LIPE: variants seen among roughly 807,000 people sequenced by gnomAD.
LIPE encodes the protein hormone-sensitive lipase.
Under a neutral mutation model 88.5 loss-of-function variants are expected in LIPE, and 66 were observed. The ratio of observed to expected loss-of-function variants is 0.75; its 90% CI spans 0.61 to 0.91. LIPE has a LOEUF of 0.91. LIPE is among the 40% of genes least tolerant of loss of function. The probability of loss-of-function intolerance (pLI) is 0.00; values close to 1 mark genes in which losing one functional copy is unlikely to be tolerated. For synonymous variants in LIPE, 570 were observed against 617.5 expected (o/e 0.92, Z 1.14); for missense variants, 1,346 against 1,434.7 (o/e 0.94, Z 1.00).
intron 7 of LIPE, chr19:42,405,869 A>C: frequency 1.9e-6 from 1 of 538,124 alleles, no homozygotes; most frequent in Non-Finnish European, 3.3e-6. Context: ...CTGAGGCAGG[A>C]TGATTGCTTC....
chr19:42,426,723 G>T lies in LIPE; in HGVS notation c.427C>A (p.Pro143Thr). Residue 143 changes from proline (P) to threonine (T), a missense_variant, in exon 1 of 10, where the codon CCA becomes ACA. Pro to Thr is a conservative substitution (Grantham distance 38). Coordinates refer to ENST00000244289, the MANE Select transcript of LIPE (RefSeq NM_005357.4). Reference protein sequence around the residue: ...QRHVAQPGPGPGEPPPAQQEA... With the variant: ...QRHVAQPGPGTGEPPPAQQEA... Reference sequence around the variant, plus strand: ...TGTTGAGCTGGAGGTGGCTCTCCTGGCCCAGGCCCTGGCTGGGCTACATGT... The same window carrying T: ...TGTTGAGCTGGAGGTGGCTCTCCTGTCCCAGGCCCTGGCTGGGCTACATGT... The T allele has an allele frequency of 1.2e-6, 2 of 1,614,206 alleles. No individual in the cohort carries two copies. Among genetic ancestry groups the T allele is most frequent in the East Asian group, 2.2e-5 (1 of 44,886 alleles).
At position 42,420,246 on chromosome 19, in the gene LIPE, CTCTG is replaced by C. The variant is rs887639414; in HGVS notation, c.883+6017_883+6020del. On this transcript the variant is annotated intron_variant, in intron 1 of 9. Transcript: ENST00000244289. ...CTGCTGTGTTTCTGTGTGCTGCTCC[CTCTG>C]TCTGTGCTTCAAAGTATATGCTTTC... is the stretch of plus-strand genomic sequence containing the variant. Among the ~76,000 whole-genome samples, 4 of 152,180 alleles carry C rather than the reference CTCTG, an allele frequency of 2.6e-5. No individual in the cohort carries two copies. In the East Asian group the frequency reaches 7.7e-4, roughly 29 times the overall value.
In LIPE at chr19:42,410,031, C is replaced by G. The variant is rs1336165111; in HGVS notation, c.1419+276G>C. Among the ~76,000 whole-genome samples the G allele has an allele frequency of 6.6e-6, 1 of 152,182 alleles. No homozygotes were observed. The highest frequency in any genetic ancestry group is 2.4e-5 in the African/African-American group (1 of 41,422). On this transcript the variant is annotated intron_variant, in intron 2 of 9. Coordinates refer to ENST00000244289, the MANE Select transcript of LIPE (RefSeq NM_005357.4). The surrounding 1 kb of genome is among the most constrained non-coding windows in gnomAD (Gnocchi z 6.1). ...CAGGTAACAAAGAGTGAATACATCT[C>G]TTGCATGTAGGACAATAGAGAGTAG...
chr19:42,408,214 A>C lies in LIPE; in HGVS notation c.1510+18T>G. ...GGCCAAGAGAGTAGGCTGCGAGTAG[A>C]ACCTGGCTGGGACTCACTGAGGCCT... is the stretch of plus-strand genomic sequence containing the variant. On this transcript the variant is annotated intron_variant, in intron 3 of 9. Coordinates refer to ENST00000244289, the MANE Select transcript of LIPE (RefSeq NM_005357.4). The surrounding 1 kb of genome is among the most constrained non-coding windows in gnomAD (Gnocchi z 4.3). The C allele has an allele frequency of 6.2e-7, 1 of 1,613,836 alleles. No homozygotes were observed. The highest frequency in any genetic ancestry group is 8.5e-7 in the Non-Finnish European group (1 of 1,179,820).
In LIPE at chr19:42,402,138, G is replaced by A. The variant is rs1445086291; in HGVS notation, c.2968-63C>T. 13 of 1,389,630 alleles carry A rather than the reference G, an allele frequency of 9.4e-6. No individual in the cohort carries two copies. The East Asian group carries it at 3.5e-4, about 37-fold the overall frequency. 86.1% of individuals were successfully genotyped at this position (1,389,630 alleles called of 1,614,324 possible). ...GGGACAGACAGACCGGGGTCGGGTA[G>A]AGCGAGGAGGGGTTTGATGAACAAA... is the stretch of plus-strand genomic sequence containing the variant. On this transcript the variant is annotated intron_variant, in intron 9 of 9. Coordinates refer to ENST00000244289, the MANE Select transcript of LIPE (RefSeq NM_005357.4).
rs1313212242 is a variant in LIPE at position 42,407,931 on chromosome 19, A to G, written c.1656+45T>C. ...CCACAGAGACCTACTGTGGCCTCAG[A>G]TGAGTCTCTGGGCCTCAGTGTCCCC... On this transcript the variant is annotated intron_variant, in intron 4 of 9. Transcript: ENST00000244289. The surrounding 1 kb of genome is among the most constrained non-coding windows in gnomAD (Gnocchi z 5.8). The G allele has an allele frequency of 6.3e-7, 1 of 1,596,068 alleles. No homozygotes were observed. Among genetic ancestry groups the G allele is most frequent in the Non-Finnish European group, 8.5e-7 (1 of 1,173,008 alleles).
intron 1 of LIPE, chr19:42,424,862 C>T: frequency 2.8e-6 from 1 of 354,074 alleles, no homozygotes; most frequent in Non-Finnish European, 5.6e-6. Flanking sequence ...GTGAAGCAGG[C>T]AGGGGGCAGC....
Position 42,410,524 on chromosome 19 carries a change from A to C in LIPE, c.1202T>G (p.Ile401Ser), listed in dbSNP as rs772264295. ...CAGGTTGTGGCTGGTGCGGAAGAAG[A>C]TGCTGCGGCGGTTGGAGGCCACATA... ...SRYVASNRRSIFFRTSHNLAE... is the reference protein window; with the variant it reads ...SRYVASNRRSSFFRTSHNLAE... Residue 401 changes from isoleucine to serine, a missense_variant, in exon 2 of 10, where the codon ATC becomes AGC. Coordinates refer to ENST00000244289, the MANE Select transcript of LIPE (RefSeq NM_005357.4). The surrounding 1 kb of genome is among the most constrained non-coding windows in gnomAD (Gnocchi z 6.1). The C allele has an allele frequency of 1.2e-6, 2 of 1,612,922 alleles. No homozygotes were observed. Among genetic ancestry groups the C allele is most frequent in the Non-Finnish European group, 8.5e-7 (1 of 1,179,968 alleles).
intron 1 of LIPE, chr19:42,424,863 A>G (rs552327811): frequency 5.9e-5 from 21 of 354,290 alleles, no homozygotes; most frequent in Non-Finnish European, 1.2e-4. Flanking sequence ...TGAAGCAGGC[A>G]GGGGGCAGCA....
At position 42,426,961 on chromosome 19, in the gene LIPE, G is replaced by C. The variant is rs1332732127; in HGVS notation, c.189C>G (p.Thr63=). Residue 63 remains threonine (T), a synonymous_variant, in exon 1 of 10, where the codon ACC becomes ACG. Coordinates refer to ENST00000244289, the MANE Select transcript of LIPE (RefSeq NM_005357.4). ...SNQRPLTQQE[T]PAQHDAESQK... Reference sequence around the variant, plus strand: ...GGGATTCAGCATCATGTTGTGCAGGGGTCTCCTGCTGGGTGAGGGGTCTTT... The same window carrying C: ...GGGATTCAGCATCATGTTGTGCAGGCGTCTCCTGCTGGGTGAGGGGTCTTT... 6.2e-7 allele frequency: 1 copy of C among 1,614,042 alleles called. No individual in the cohort carries two copies. The highest frequency in any genetic ancestry group is 1.7e-5 in the Admixed American group (1 of 60,002).
chr19:42,414,291 A>G lies in LIPE; in HGVS notation c.884-3449T>C, dbSNP rs112358605. On this transcript the variant is annotated intron_variant, in intron 1 of 9. Transcript: ENST00000244289. This position sits in a 1 kb window ranked among gnomAD's most constrained non-coding sequence, Gnocchi z 4.6. ...CTGTCAGAAAAGAAAGGAAAGAAAG[A>G]AAGGAAAGGAAGGAAAGAAAGAAAG... is the stretch of plus-strand genomic sequence containing the variant. Among the ~76,000 whole-genome samples the G allele has an allele frequency of 1.3e-5, 2 of 151,832 alleles. No homozygotes were observed. Among genetic ancestry groups the G allele is most frequent in the South Asian group, 2.1e-4 (1 of 4,830 alleles).
At chr19:42,417,292 CTG>C (rs2040507441) in intron 1 of LIPE, among the ~76,000 whole-genome samples, 1 of 152,124 alleles carries the variant, frequency 6.6e-6, no homozygotes, top group Non-Finnish European at 1.5e-5. Flanking sequence ...TGGATTCTTG[CTG>C]TGTCACCTGG....
Position 42,407,616 on chromosome 19 carries a change from C to T in LIPE, c.1832G>A (p.Arg611His), listed in dbSNP as rs751732396. 40 of 1,608,022 alleles carry T rather than the reference C, an allele frequency of 2.5e-5. No homozygotes were observed. The highest frequency in any genetic ancestry group is 1.6e-4 in the Middle Eastern group (1 of 6,064). The stretch of plus-strand genomic sequence containing the variant: ...AGGCTGGAACCCTACCTGTCCTTCA[C>T]GCAGGTCATAGGAGATGAGCCTGAC... The part of the protein sequence containing the change: ...VLVRLISYDL[R>H]EGQDSEELSS... The change falls in exon 5 of 10, where the codon CGT becomes CAT. Residue 611 changes from arginine (R) to histidine (H), a missense_variant. Coordinates refer to ENST00000244289, the MANE Select transcript of LIPE (RefSeq NM_005357.4). The surrounding 1 kb of genome is among the most constrained non-coding windows in gnomAD (Gnocchi z 5.8).
At chr19:42,405,321 T>G (rs528460891) in intron 8 of LIPE, 64 bp downstream of exon 8, 2 of 1,526,290 alleles carry the variant, frequency 1.3e-6, no homozygotes, top group Non-Finnish European at 1.8e-6. Flanking sequence ...CTGGGACTTT[T>G]GCTGTGCTAG....
chr19:42,401,890 G>T lies in LIPE; in HGVS notation c.3153C>A (p.Leu1051=). The T allele has an allele frequency of 6.5e-7, 1 of 1,541,788 alleles. No homozygotes were observed. The part of the protein sequence containing the change: ...ELCVERIRLV[L]TPPAGAGPSG... ...TCGGCCCGGCTCCGGCGGGAGGAGT[G>T]AGGACGAGGCGGATGCGCTCCACGC... Residue 1051 remains leucine, a synonymous_variant, in exon 10 of 10, where the codon CTC becomes CTA. Transcript: ENST00000244289.
Position 42,408,028 on chromosome 19 carries a change from T to C in LIPE, c.1604A>G (p.Asp535Gly), listed in dbSNP as rs1267475535. The change falls in exon 4 of 10, where the codon GAC (aspartate) becomes GGC (glycine). Residue 535 changes from aspartate (D) to glycine (G), a missense_variant. Asp to Gly is a moderately conservative substitution (Grantham distance 94). Coordinates refer to ENST00000244289, the MANE Select transcript of LIPE (RefSeq NM_005357.4). The surrounding 1 kb of genome is among the most constrained non-coding windows in gnomAD (Gnocchi z 4.3). ...CCAGAAGGCTTTCCAGAAGTGCACG[T>C]CCAGGTTCTGTGTGATCCGCTCAAA... ...AEFERITQNL[D>G]VHFWKAFWNI... The C allele has an allele frequency of 5.0e-6, 8 of 1,613,824 alleles. No individual in the cohort carries two copies. Among genetic ancestry groups the C allele is most frequent in the Non-Finnish European group, 6.8e-6 (8 of 1,179,864 alleles).
rs776187272 is a variant in LIPE at position 42,410,528 on chromosome 19, T to C, written c.1198A>G (p.Ser400Gly). 12 of 1,612,624 alleles carry C rather than the reference T, an allele frequency of 7.4e-6. No individual in the cohort carries two copies. The highest frequency in any genetic ancestry group is 4.0e-5 in the African/African-American group (3 of 74,916). The stretch of plus-strand genomic sequence containing the variant: ...TTGTGGCTGGTGCGGAAGAAGATGC[T>C]GCGGCGGTTGGAGGCCACATAGCGG... Reference protein sequence around the residue: ...KSRYVASNRRSIFFRTSHNLA... With the variant: ...KSRYVASNRRGIFFRTSHNLA... The change falls in exon 2 of 10, where the codon AGC (serine) becomes GGC (glycine). Residue 400 changes from serine (S) to glycine (G), a missense_variant. Ser to Gly is a moderately conservative substitution (Grantham distance 56). Coordinates refer to ENST00000244289, the MANE Select transcript of LIPE (RefSeq NM_005357.4). The surrounding 1 kb of genome is among the most constrained non-coding windows in gnomAD (Gnocchi z 6.1).
rs1002457951 is a variant in LIPE at position 42,401,588 on chromosome 19, G to A, written c.*224C>T. On this transcript the variant is annotated 3_prime_UTR_variant, in exon 10 of 10. Coordinates refer to ENST00000244289, the MANE Select transcript of LIPE (RefSeq NM_005357.4). ...GCCAGTCCCCGTCCCTGCGGCGGTC[G>A]CCGCAGCAGCAGCAGCAAAAGGCAG... The A allele has an allele frequency of 1.0e-5, 5 of 502,354 alleles. No individual in the cohort carries two copies. Among genetic ancestry groups the A allele is most frequent in the Non-Finnish European group, 1.7e-5 (5 of 287,750 alleles). The allele number at this position is 502,354 out of a possible 1,614,324, so 31.1% of individuals were successfully genotyped here.
intron 1 of LIPE, chr19:42,424,329 G>A (rs978072783): frequency 1.1e-5 from 5 of 458,076 alleles, no homozygotes; most frequent in Admixed American, 2.3e-5. Context: ...GAGGAGGCTC[G>A]AGGCTTGCTC....
Sources: gnomAD v4.1 joint callset for allele counts (sites outside exome capture counted in the v4.1 genomes callset) on GRCh38, gnomAD v4.1.1 for gene constraint, Gnocchi (gnomAD v3.1) non-coding constraint, MANE v1.5 for transcripts, NCBI Gene and HGNC (gene_info 2026-07-23, HGNC 2026-07-21) for gene names.